The following MAGI1 variants were observed in gnomAD, a reference collection of about 807,000 sequenced individuals.
The protein encoded by MAGI1 is membrane-associated guanylate kinase, WW and PDZ domain-containing protein 1.
MAGI1 carries 58 observed loss-of-function variants against 139.9 expected under a neutral mutation model. That is an observed-to-expected ratio of 0.41 (90% CI 0.34 to 0.52). MAGI1 has a LOEUF of 0.52. Ranked by LOEUF, MAGI1 falls within the 20% of genes least tolerant of loss-of-function variation. The pLI, the probability that MAGI1 is intolerant of heterozygous loss-of-function variation, is 0.12. For synonymous variants in MAGI1, 812 were observed against 737.9 expected, an observed-to-expected ratio of 1.10 and a Z score of -1.63; for missense variants, 1,874 against 1,901.6, an observed-to-expected ratio of 0.99 and a Z score of 0.27.
intron 1 of MAGI1, among the ~76,000 whole-genome samples, chr3:65,734,082 A>AT (rs939209059): frequency 6.6e-6 from 1 of 152,052 alleles, no homozygotes; most frequent in African/African-American, 2.4e-5. Context: ...GTCTCAGTCG[A>AT]TTTTTCCCAT....
At chr3:65,607,414 A>G (rs951831084) in intron 2 of MAGI1, among the ~76,000 whole-genome samples, 7 of 152,102 alleles carry the variant, frequency 4.6e-5, no homozygotes, top group African/African-American at 1.4e-4. Flanking sequence ...CATCACCTTC[A>G]ACATCATCCT....
rs1337705817 is a variant in MAGI1, at chr3:65,354,828, C to T, written c.*1550G>A. ...ACAGTTGTTTTCTTTTTTTTCCCAA[C>T]AGGCTCTATTAATTACAATTTTTAG... On this transcript the variant is annotated 3_prime_UTR_variant, in exon 23 of 23. Transcript: ENST00000402939. 1 of 152,220 alleles carries T rather than the reference C, an allele frequency of 6.6e-6. No individual in the cohort carries two copies. Among genetic ancestry groups the T allele is most frequent in the Non-Finnish European group, 1.5e-5 (1 of 67,976 alleles). 9.4% of individuals were successfully genotyped at this position (152,220 alleles called of 1,614,324 possible).
intron 3 of MAGI1, among the ~76,000 whole-genome samples, chr3:65,490,713 A>G (rs943494477): frequency 2.0e-5 from 3 of 151,792 alleles, no homozygotes; most frequent in African/African-American, 7.3e-5. Flanking sequence ...GCACAGTGGC[A>G]TGCACCTGTA....
At chr3:65,944,518 A>G (rs1035954577) in intron 1 of MAGI1, among the ~76,000 whole-genome samples, 5 of 152,152 alleles carry the variant, frequency 3.3e-5, no homozygotes, top group African/African-American at 1.2e-4. Context: ...ACCCTATCTC[A>G]AGGGAAAAAA....
chr3:65,543,759 G>A (rs907498819), intron 2 of MAGI1, among the ~76,000 whole-genome samples: 4 of 151,950 alleles, frequency 2.6e-5, no homozygotes, highest in Non-Finnish European at 5.9e-5. Flanking sequence ...CAGGGATGGG[G>A]GGGGGTACAA....
intron 2 of MAGI1, among the ~76,000 whole-genome samples, chr3:65,603,422 A>C (rs2082572890): frequency 6.6e-6 from 1 of 152,224 alleles, no homozygotes; most frequent in African/African-American, 2.4e-5. Context: ...AAAAAAATTT[A>C]TATGACAATC....
At chr3:65,530,718 TATATACAC>T (rs1236456563) in intron 2 of MAGI1, among the ~76,000 whole-genome samples, 7 of 139,016 alleles carry the variant, frequency 5.0e-5, no homozygotes, top group Middle Eastern at 3.7e-3. Context: ...CACGTGTATA[TATATACAC>T]ACGTATATAT....
chr3:65,774,304 C>T (rs1036493576), intron 1 of MAGI1, among the ~76,000 whole-genome samples: 2 of 152,096 alleles, frequency 1.3e-5, no homozygotes, highest in Non-Finnish European at 2.9e-5. Context: ...GTGGAAGATA[C>T]TTATCTTAAT....
At chr3:65,943,662 T>C (rs954494678) in intron 1 of MAGI1, among the ~76,000 whole-genome samples, 2 of 152,240 alleles carry the variant, frequency 1.3e-5, no homozygotes, top group Admixed American at 1.3e-4. Context: ...TGTGTATATA[T>C]ATATGTGTGT....
intron 1 of MAGI1, among the ~76,000 whole-genome samples, chr3:65,819,674 C>G (rs748552469): frequency 6.6e-6 from 1 of 151,604 alleles, no homozygotes; most frequent in African/African-American, 2.4e-5. Context: ...GTCAAGAGAT[C>G]GAGACCATCC....
chr3:65,835,051 C>T (rs1467075709), intron 1 of MAGI1, among the ~76,000 whole-genome samples: 3 of 152,090 alleles, frequency 2.0e-5, no homozygotes, highest in East Asian at 3.8e-4. Context: ...TCTTGTCTTT[C>T]GACTGATGTT....
intron 12 of MAGI1, among the ~76,000 whole-genome samples, chr3:65,406,564 C>T (rs1479855325): frequency 6.6e-6 from 1 of 152,176 alleles, no homozygotes; most frequent in African/African-American, 2.4e-5. Flanking sequence ...CTCCCGACTT[C>T]AGCATTTTAG....
chr3:65,788,443 T>C (rs2039538839), intron 1 of MAGI1, among the ~76,000 whole-genome samples: 1 of 152,216 alleles, frequency 6.6e-6, no homozygotes. Flanking sequence ...GTACCTACAT[T>C]ATGACCACTT....
At chr3:65,476,676 C>G (rs1408948251) in intron 4 of MAGI1, among the ~76,000 whole-genome samples, 1 of 152,160 alleles carries the variant, frequency 6.6e-6, no homozygotes, top group Non-Finnish European at 1.5e-5. Context: ...TGTTTTGCCG[C>G]ACACTACCCC....
At chr3:65,719,778 C>T (rs375964107) in intron 1 of MAGI1, among the ~76,000 whole-genome samples, 23 of 152,116 alleles carry the variant, frequency 1.5e-4, no homozygotes, top group African/African-American at 4.8e-4. Context: ...AACTCCTGGG[C>T]TCAAGAGATC....
At chr3:65,955,056 A>T (rs1440019377) in intron 1 of MAGI1, among the ~76,000 whole-genome samples, 1 of 152,096 alleles carries the variant, frequency 6.6e-6, no homozygotes, top group African/African-American at 2.4e-5. Context: ...AGCAGTTTTA[A>T]CCTCTCTCAT....
intron 2 of MAGI1, among the ~76,000 whole-genome samples, chr3:65,495,289 T>C (rs947538132): frequency 3.9e-5 from 6 of 152,204 alleles, no homozygotes; most frequent in Non-Finnish European, 8.8e-5. Flanking sequence ...CATAAGTTTG[T>C]TGTGTGTATT....
chr3:65,722,624 C>A (rs1408939304), intron 1 of MAGI1, among the ~76,000 whole-genome samples: 2 of 151,860 alleles, frequency 1.3e-5, no homozygotes, highest in African/African-American at 2.4e-5. Context: ...TAGAGCGAGA[C>A]CCTGTCTCAA....
chr3:65,832,933 T>C (rs929021098), intron 1 of MAGI1, among the ~76,000 whole-genome samples: 7 of 152,180 alleles, frequency 4.6e-5, no homozygotes, highest in Non-Finnish European at 1.0e-4. Context: ...AGGAAGCAGA[T>C]TAAATATGCA....
Sources: allele counts gnomAD v4.1 joint callset (sites outside exome capture counted in the v4.1 genomes callset), GRCh38; gene constraint gnomAD v4.1.1; transcripts MANE v1.5; gene names NCBI Gene and HGNC (gene_info 2026-07-23, HGNC 2026-07-21).